SNX10: variants seen among roughly 807,000 people sequenced by gnomAD.
SNX10 encodes sorting nexin-10.
A neutral mutation model predicts 28.5 loss-of-function variants in SNX10; 25 were observed. The ratio of observed to expected loss-of-function variants is 0.88; its 90% CI spans 0.64 to 1.22. The LOEUF (loss-of-function observed/expected upper bound fraction) is 1.22, where lower values mean the gene tolerates loss of function less well. Ranked by LOEUF, SNX10 falls within the 50% of genes most tolerant of loss-of-function variation. The pLI, the probability that SNX10 is intolerant of heterozygous loss-of-function variation, is 0.00. For missense variants in SNX10, 223 were observed against 242.6 expected, an observed-to-expected ratio of 0.92 and a Z score of 0.54; for synonymous variants, 62 against 81.4, an observed-to-expected ratio of 0.76 and a Z score of 1.28.
chr7:26,358,805 G>GTTTTTGTTTTTTTTTTT (rs1554360948), intron 2 of SNX10, among the ~76,000 whole-genome samples: 2 of 100,112 alleles, frequency 2.0e-5, no homozygotes, highest in African/African-American at 8.8e-5. Flanking sequence ...GTTATCTTGT[G>GTTTTTGTTTTTTTTTTT]TTTTTTTTTT....
rs1789203700 is a variant in SNX10 at position 26,364,299 on chromosome 7, C to G, written c.112-236C>G. 8.3e-7 allele frequency: 1 copy of G among 1,198,334 alleles called. No individual in the cohort carries two copies. The highest frequency in any genetic ancestry group is 3.7e-5 in the East Asian group (1 of 27,330). 74.2% of individuals were successfully genotyped at this position (1,198,334 alleles called of 1,614,324 possible). Reference sequence around the variant, plus strand: ...GCTCCTTCAGGATGCAGGGAGTGGCCAGGTCATACCTCACCCTGGGGCAAC... The same window carrying G: ...GCTCCTTCAGGATGCAGGGAGTGGCGAGGTCATACCTCACCCTGGGGCAAC... On this transcript the variant is annotated intron_variant, in intron 3 of 6. Coordinates refer to ENST00000338523, the MANE Select transcript of SNX10 (RefSeq NM_013322.3). The surrounding 1 kb of genome is among the most constrained non-coding windows in gnomAD (Gnocchi z 4.9).
chr7:26,339,787 T>C (rs1788111113), intron 1 of SNX10, among the ~76,000 whole-genome samples: 3 of 151,700 alleles, frequency 2.0e-5, no homozygotes, highest in Admixed American at 2.0e-4. Context: ...GACCTTGTGA[T>C]CCACCTGCCT....
chr7:26,313,950 C>T (rs988033797), intron 1 of SNX10, among the ~76,000 whole-genome samples: 1 of 151,028 alleles, frequency 6.6e-6, no homozygotes. Context: ...GGGGAGGCTA[C>T]AGGCACATGC....
intron 1 of SNX10, among the ~76,000 whole-genome samples, chr7:26,330,619 G>T (rs1787708394): frequency 6.6e-6 from 1 of 152,168 alleles, no homozygotes; most frequent in South Asian, 2.1e-4. Flanking sequence ...TCAGATCCAG[G>T]TAGAGATGAG....
intron 1 of SNX10, among the ~76,000 whole-genome samples, chr7:26,328,826 C>T (rs1483244285): frequency 6.6e-6 from 1 of 152,214 alleles, no homozygotes; most frequent in African/African-American, 2.4e-5. Context: ...CAACATGTCT[C>T]ACAGAGAATT....
intron 2 of SNX10, among the ~76,000 whole-genome samples, chr7:26,350,596 G>A (rs1788558967): frequency 6.6e-6 from 1 of 152,068 alleles, no homozygotes; most frequent in Non-Finnish European, 1.5e-5. Context: ...TTGATGGGAA[G>A]CAACAAGACA....
At chr7:26,304,938 G>A (rs957648704) in intron 1 of SNX10, among the ~76,000 whole-genome samples, 1 of 152,148 alleles carries the variant, frequency 6.6e-6, no homozygotes, top group African/African-American at 2.4e-5. Context: ...CCAAAGCCCG[G>A]CCCAGGGAAA....
intron 3 of SNX10, among the ~76,000 whole-genome samples, chr7:26,361,880 CTT>C (rs1789086779): frequency 6.6e-6 from 1 of 152,222 alleles, no homozygotes; most frequent in African/African-American, 2.4e-5. Context: ...GGATAATACT[CTT>C]TGCATCTAAA....
chr7:26,358,871 C>A (rs191000547), intron 2 of SNX10, among the ~76,000 whole-genome samples: 1 of 127,322 alleles, frequency 7.9e-6, no homozygotes, highest in African/African-American at 3.1e-5. Context: ...CATTTAGTGG[C>A]GTGATCTTGC....
chr7:26,361,950 C>T (rs1273004610), intron 3 of SNX10, among the ~76,000 whole-genome samples: 3 of 152,130 alleles, frequency 2.0e-5, no homozygotes, highest in Admixed American at 6.5e-5. Context: ...AGCAATTGAC[C>T]CAGATTGTAT....
At chr7:26,331,055 G>GT (rs1787729443) in intron 1 of SNX10, among the ~76,000 whole-genome samples, 1 of 152,116 alleles carries the variant, frequency 6.6e-6, no homozygotes, top group African/African-American at 2.4e-5. Context: ...GAAGGCTGAG[G>GT]TGGGAGGATT....
At chr7:26,341,990 CTCTCTCTT>C (rs1189270883) in intron 1 of SNX10, among the ~76,000 whole-genome samples, 43 of 142,990 alleles carry the variant, frequency 3.0e-4, no homozygotes, top group African/African-American at 1.1e-3. Context: ...TTCTCTCTCT[CTCTCTCTT>C]TCTTTCTTTC....
At chr7:26,296,660 T>C (rs559484422) in intron 1 of SNX10, among the ~76,000 whole-genome samples, 3 of 152,326 alleles carry the variant, frequency 2.0e-5, no homozygotes, top group South Asian at 4.1e-4. Context: ...TTTGTACTTG[T>C]AGGCAATACA....
intron 1 of SNX10, among the ~76,000 whole-genome samples, chr7:26,314,039 C>T (rs1384152367): frequency 6.6e-6 from 1 of 152,156 alleles, no homozygotes; most frequent in Non-Finnish European, 1.5e-5. Flanking sequence ...GAACTCCTGA[C>T]CTCAGGTGAT....
rs534380160 is a variant in SNX10 at position 26,328,680 on chromosome 7, A to G, written c.-23-17740A>G. On this transcript the variant is annotated intron_variant, in intron 1 of 6. Transcript: ENST00000338523. Reference sequence around the variant, plus strand: ...ACTGAAACTGCCCATGTGCCCCACCAAGAATATGCCACTGTCTGTGCACTT... The same window carrying G: ...ACTGAAACTGCCCATGTGCCCCACCGAGAATATGCCACTGTCTGTGCACTT... 3.3e-5 allele frequency among the ~76,000 whole-genome samples: 5 copies of G among 152,242 alleles called. No homozygotes were observed. In the South Asian group the frequency reaches 1.0e-3, roughly 32 times the overall value.
intron 1 of SNX10, among the ~76,000 whole-genome samples, chr7:26,325,306 A>AAAATATATATATATATATATATATAT (rs1787458474): frequency 1.9e-5 from 1 of 51,334 alleles, no homozygotes; most frequent in Non-Finnish European, 5.6e-5. Context: ...AAGTTTGCAA[A>AAAATATATATATATATATATATATAT]ATATATATAT....
chr7:26,367,008 T>G (rs1048875055), intron 5 of SNX10, among the ~76,000 whole-genome samples: 1 of 152,150 alleles, frequency 6.6e-6, no homozygotes, highest in Non-Finnish European at 1.5e-5. Flanking sequence ...GGGTTCTAGG[T>G]CTCCCATAAT....
At chr7:26,306,385 A>G (rs930844582) in intron 1 of SNX10, among the ~76,000 whole-genome samples, 1 of 150,674 alleles carries the variant, frequency 6.6e-6, no homozygotes, top group Non-Finnish European at 1.5e-5. Flanking sequence ...TTATTATCCT[A>G]TCTGACAAAA....
chr7:26,312,083 C>T (rs914761674), intron 1 of SNX10, among the ~76,000 whole-genome samples: 1 of 152,080 alleles, frequency 6.6e-6, no homozygotes, highest in Admixed American at 6.6e-5. Flanking sequence ...AAAGTTACTT[C>T]AAAAAAATTT....
Sources: allele counts gnomAD v4.1 joint callset (sites outside exome capture counted in the v4.1 genomes callset), GRCh38; gene constraint gnomAD v4.1.1; non-coding constraint Gnocchi (gnomAD v3.1); transcripts MANE v1.5; gene names NCBI Gene and HGNC (gene_info 2026-07-23, HGNC 2026-07-21).